The following ATF6B variants were observed in gnomAD, a reference collection of about 807,000 sequenced individuals.
The protein encoded by ATF6B is cyclic AMP-dependent transcription factor ATF-6 beta.
In ATF6B, 50 loss-of-function variants were observed where a neutral mutation model predicts 83.5. The observed-to-expected ratio is 0.60, with a 90% CI of 0.48 to 0.76. ATF6B has a LOEUF of 0.76. ATF6B is among the 30% of genes least tolerant of loss of function. ATF6B has a pLI of 0.00. For synonymous variants in ATF6B, 344 were observed against 362.8 expected, an observed-to-expected ratio of 0.95 and a Z score of 0.59; for missense variants, 790 against 893.8, an observed-to-expected ratio of 0.88 and a Z score of 1.48.
chr6:32,120,009 T>G, intron 8 of ATF6B, 52 bp from the exon 9 acceptor site: 2 of 1,570,288 alleles, frequency 1.3e-6, no homozygotes. Context: ...GGGGTCCTTG[T>G]GTCCACACCC....
Position 32,120,771 on chromosome 6 carries a change from C to G in ATF6B, c.832G>C (p.Val278Leu). The change falls in exon 8 of 18, where the codon GTG (valine) becomes CTG (leucine). Residue 278 changes from valine (V) to leucine (L), a missense_variant and splice_region_variant. By Grantham distance (32) the Val-to-Leu change is conservative. This residue lies in a region of ATF6B where 530 missense variants were observed against 632.6 expected (regional missense o/e 0.84). Coordinates refer to ENST00000375203, the MANE Select transcript of ATF6B (RefSeq NM_004381.5). ...LLQSLVQPPP[V>L]SPVVLIQGAI... The stretch of plus-strand genomic sequence containing the variant: ...CGGCCCTTTTCTCCTTCTTCAGTAC[C>G]TGGGGGTGGCTGGACGAGGGACTGC... The G allele has an allele frequency of 6.2e-7, 1 of 1,610,126 alleles. No individual in the cohort carries two copies. Among genetic ancestry groups the G allele is most frequent in the Non-Finnish European group, 8.5e-7 (1 of 1,177,962 alleles).
chr6:32,127,605 A>C (rs1782037785), intron 2 of ATF6B, 66 bp downstream of exon 2: 4 of 1,611,574 alleles, frequency 2.5e-6, no homozygotes, highest in Non-Finnish European at 2.5e-6. Flanking sequence ...TGGCCTGTGA[A>C]TGGGTCCAGG....
In ATF6B at chr6:32,117,992, C is replaced by T; in HGVS notation, c.1291G>A (p.Gly431Arg). The T allele has an allele frequency of 6.2e-7, 1 of 1,614,070 alleles. No homozygotes were observed. Among genetic ancestry groups the T allele is most frequent in the Non-Finnish European group, 8.5e-7 (1 of 1,180,004 alleles). The change falls in exon 12 of 18, where the codon GGG becomes AGG. Residue 431 changes from glycine to arginine, a missense_variant. Transcript: ENST00000375203. The surrounding 1 kb of genome is among the most constrained non-coding windows in gnomAD (Gnocchi z 5.0). ...AAGTGTCTCCGGGGTTGAGGCTCCC[C>T]CTTGTTCATCCGAGGAGAGATGGGA... ...SAPISPRMNK[G>R]EPQPRRHLLG...
intron 5 of ATF6B, among the ~76,000 whole-genome samples, chr6:32,124,221 C>A (rs1781875681): frequency 6.6e-6 from 1 of 152,072 alleles, no homozygotes; most frequent in Admixed American, 6.6e-5. Flanking sequence ...ACAACAGAAT[C>A]AACATGTCCA....
At position 32,120,877 on chromosome 6, in the gene ATF6B, C is replaced by T. The variant is rs557874697; in HGVS notation, c.726G>A (p.Pro242=). 6 of 1,549,484 alleles carry T rather than the reference C, an allele frequency of 3.9e-6. No homozygotes were observed. The African/African-American group carries it at 4.1e-5, about 11-fold the overall frequency. ...SSGKALPTRK[P]PLQPKPVVLT... ...GCACTACAGGTTTGGGCTGCAGTGG[C>T]GGCTTCCGGGTGGGCAGGGCTTTGC... Residue 242 remains proline (P), a synonymous_variant, in exon 8 of 18, where the codon CCG becomes CCA. Transcript: ENST00000375203.
intron 1 of ATF6B, 130 bp from the exon 2 acceptor site, chr6:32,127,880 CA>C (rs1782054207): frequency 9.0e-7 from 1 of 1,115,184 alleles, no homozygotes; most frequent in African/African-American, 1.6e-5. Context: ...AAAAGTGATA[CA>C]ACCAGGGCGC....
At position 32,125,527 on chromosome 6, in the gene ATF6B, G is replaced by A. The variant is rs932907808; in HGVS notation, c.478+590C>T. Among the ~76,000 whole-genome samples, 5 of 152,104 alleles carry A rather than the reference G, an allele frequency of 3.3e-5. No homozygotes were observed. The highest frequency in any genetic ancestry group is 1.9e-4 in the East Asian group (1 of 5,198). Reference sequence around the variant, plus strand: ...CTGTAATCTCAGCACTTTGGGAGGCGGAGGTAGGCGACTCATGAGGTCAGG... The same window carrying A: ...CTGTAATCTCAGCACTTTGGGAGGCAGAGGTAGGCGACTCATGAGGTCAGG... On this transcript the variant is annotated intron_variant, in intron 5 of 17. Coordinates refer to ENST00000375203, the MANE Select transcript of ATF6B (RefSeq NM_004381.5). This position sits in a 1 kb window ranked among gnomAD's most constrained non-coding sequence, Gnocchi z 4.1.
chr6:32,117,699 A>G lies in ATF6B; in HGVS notation c.1425-5T>C. 3 of 1,613,480 alleles carry G rather than the reference A, an allele frequency of 1.9e-6. No homozygotes were observed. Among genetic ancestry groups the G allele is most frequent in the Non-Finnish European group, 2.5e-6 (3 of 1,179,616 alleles). Reference sequence around the variant, plus strand: ...CCAGGGAAGGCTGTCAGGTTGCTGGAGTGAAGCAGGAAGGAGACAACACTT... The same window carrying G: ...CCAGGGAAGGCTGTCAGGTTGCTGGGGTGAAGCAGGAAGGAGACAACACTT... On this transcript the variant is annotated splice_polypyrimidine_tract_variant and splice_region_variant and intron_variant, in intron 12 of 17. Coordinates refer to ENST00000375203, the MANE Select transcript of ATF6B (RefSeq NM_004381.5). The surrounding 1 kb of genome is among the most constrained non-coding windows in gnomAD (Gnocchi z 5.0).
chr6:32,127,899 C>G, intron 1 of ATF6B, 149 bp from the exon 2 acceptor site: 2 of 1,023,976 alleles, frequency 2.0e-6, no homozygotes, highest in Non-Finnish European at 2.9e-6. Context: ...CGCTTCAGCC[C>G]CTCCTTCCCC....
rs748175002 is a variant in ATF6B, at chr6:32,117,758, C to T, written c.1425-64G>A. 6.9e-6 allele frequency: 11 copies of T among 1,586,588 alleles called. No individual in the cohort carries two copies. The highest frequency in any genetic ancestry group is 1.7e-4 in the Middle Eastern group (1 of 6,032). ...CCCAGCACTCCCACAACAAAGAAGG[C>T]GATGACGGCAAGAGAAAGCTTTGGG... On this transcript the variant is annotated intron_variant, in intron 12 of 17. Coordinates refer to ENST00000375203, the MANE Select transcript of ATF6B (RefSeq NM_004381.5). The surrounding 1 kb of genome is among the most constrained non-coding windows in gnomAD (Gnocchi z 5.0).
At chr6:32,126,809 G>A (rs775910779) in intron 4 of ATF6B, among the ~76,000 whole-genome samples, 58 of 152,142 alleles carry the variant, frequency 3.8e-4, no homozygotes, top group Non-Finnish European at 7.1e-4. Context: ...ACAGTGAGCT[G>A]TGACCCTGTC....
Position 32,118,641 on chromosome 6 carries a change from A to C in ATF6B, c.1244+134T>G. 1 of 829,068 alleles carries C rather than the reference A, an allele frequency of 1.2e-6. No homozygotes were observed. Among genetic ancestry groups the C allele is most frequent in the Non-Finnish European group, 1.9e-6 (1 of 515,808 alleles). 51.4% of individuals were successfully genotyped at this position (829,068 alleles called of 1,614,324 possible). On this transcript the variant is annotated intron_variant, in intron 11 of 17. Coordinates refer to ENST00000375203, the MANE Select transcript of ATF6B (RefSeq NM_004381.5). This position sits in a 1 kb window ranked among gnomAD's most constrained non-coding sequence, Gnocchi z 5.2. ...TGGAGCAGGAAGGGGCTGGCCAGAC[A>C]CATCATCGGTGCCAAGGACACCAGA...
chr6:32,120,134 G>T (rs575445650), intron 8 of ATF6B, 177 bp from the exon 9 acceptor site: 1 of 754,850 alleles, frequency 1.3e-6, no homozygotes, highest in South Asian at 2.2e-5. Flanking sequence ...GTCTTGCTCT[G>T]TCGACCAGGC....
rs746610003 is a variant in ATF6B at position 32,126,241 on chromosome 6, T to C, written c.354A>G (p.Val118=). The C allele has an allele frequency of 6.2e-7, 1 of 1,613,968 alleles. No individual in the cohort carries two copies. Among genetic ancestry groups the C allele is most frequent in the South Asian group, 1.1e-5 (1 of 91,050 alleles). Residue 118 remains valine, a synonymous_variant, in exon 5 of 18, where the codon GTA becomes GTG. Coordinates refer to ENST00000375203, the MANE Select transcript of ATF6B (RefSeq NM_004381.5). ...STEPSSEALG[V]GEVLHVKTES... is the part of the protein sequence containing the mutation. ...CTGTCTTCACATGGAGCACCTCCCC[T>C]ACCCCAAGAGCCTGGGTGAGAGTTG... is the stretch of plus-strand genomic sequence containing the variant.
At chr6:32,127,051 G>T in intron 4 of ATF6B, 52 bp downstream of exon 4, 3 of 1,411,654 alleles carry the variant, frequency 2.1e-6, no homozygotes, top group Non-Finnish European at 2.9e-6. Context: ...CGGGTGAAGG[G>T]AATGAAGCAG....
At position 32,128,208 on chromosome 6, in the gene ATF6B, C is replaced by T. The variant is rs1782074818; in HGVS notation, c.-1G>A. On this transcript the variant is annotated 5_prime_UTR_variant, in exon 1 of 18. Transcript: ENST00000375203. ...CGCTGAGCAGCATCAGCTCCGCCAT[C>T]TTTCCCCCCCACCCCCCAACCAGGA... 1 of 1,609,830 alleles carries T rather than the reference C, an allele frequency of 6.2e-7. No individual in the cohort carries two copies. The highest frequency in any genetic ancestry group is 1.7e-5 in the Admixed American group (1 of 59,728).
chr6:32,118,759 G>T lies in ATF6B; in HGVS notation c.1244+16C>A, dbSNP rs966935103. 1 of 1,612,584 alleles carries T rather than the reference G, an allele frequency of 6.2e-7. No individual in the cohort carries two copies. Among genetic ancestry groups the T allele is most frequent in the African/African-American group, 1.3e-5 (1 of 74,910 alleles). On this transcript the variant is annotated intron_variant, in intron 11 of 17. Transcript: ENST00000375203. The surrounding 1 kb of genome is among the most constrained non-coding windows in gnomAD (Gnocchi z 5.2). ...GCTCCACCTGGAAGGTTCTAGTGAA[G>T]CAAGGAAGGTCTCACCTGACAGGTC...
intron 5 of ATF6B, among the ~76,000 whole-genome samples, chr6:32,123,084 C>T (rs1460313502): frequency 2.0e-5 from 3 of 151,556 alleles, no homozygotes; most frequent in East Asian, 1.9e-4. Flanking sequence ...AAAAAATAGC[C>T]GGACATGGTG....
In ATF6B at chr6:32,127,472, G is replaced by C; in HGVS notation, c.220C>G (p.Pro74Ala). 1 of 1,613,166 alleles carries C rather than the reference G, an allele frequency of 6.2e-7. No homozygotes were observed. The highest frequency in any genetic ancestry group is 8.5e-7 in the Non-Finnish European group (1 of 1,179,376). ...AAGATCGGCAGGAGTTCCCATGGGG[G>C]CTCAGAGGGGCTGACATCCATCCCC... ...DVGMDVSPSE[P>A]PWELLPIFPD... Residue 74 changes from proline (P) to alanine (A), a missense_variant, in exon 3 of 18, where the codon CCC (proline) becomes GCC (alanine). This residue lies in a region of ATF6B where 253 missense variants were observed against 243.1 expected (regional missense o/e 1.04). Coordinates refer to ENST00000375203, the MANE Select transcript of ATF6B (RefSeq NM_004381.5).
Sources: gnomAD v4.1 joint callset for allele counts (sites outside exome capture counted in the v4.1 genomes callset) on GRCh38, gnomAD v4.1.1 for gene constraint, gnomAD v4.1.1 regional missense constraint, Gnocchi (gnomAD v3.1) non-coding constraint, MANE v1.5 for transcripts, NCBI Gene and HGNC (gene_info 2026-07-23, HGNC 2026-07-21) for gene names.